Variants in SORCS2 observed in about 807,000 individuals in gnomAD.
The protein encoded by SORCS2 is sortilin related VPS10 domain containing receptor 2.
A neutral mutation model predicts 141.6 loss-of-function variants in SORCS2; 100 were observed. That is an observed-to-expected ratio of 0.71 (90% CI 0.60 to 0.83). The LOEUF (loss-of-function observed/expected upper bound fraction) is 0.83. SORCS2 is among the 40% of genes least tolerant of loss of function. The probability of loss-of-function intolerance (pLI) is 0.00; values close to 1 mark genes in which losing one functional copy is unlikely to be tolerated. For synonymous variants in SORCS2, 789 were observed against 676.9 expected (o/e 1.17, Z -2.57); for missense variants, 1,646 against 1,560.2 (o/e 1.05, Z -0.93).
chr4:7,643,192 C>G (rs984962717), intron 4 of SORCS2, among the ~76,000 whole-genome samples: 1 of 152,192 alleles, frequency 6.6e-6, no homozygotes, highest in African/African-American at 2.4e-5. Context: ...TTACTTGGAT[C>G]CTGGACAGCC....
chr4:7,632,897 C>T (rs1300862091), intron 3 of SORCS2, among the ~76,000 whole-genome samples: 4 of 152,058 alleles, frequency 2.6e-5, no homozygotes, highest in African/African-American at 9.7e-5. Context: ...GAATAACTCC[C>T]TATCATAGAG....
intron 3 of SORCS2, among the ~76,000 whole-genome samples, chr4:7,620,617 G>A (rs919075058): frequency 6.6e-6 from 1 of 152,246 alleles, no homozygotes; most frequent in Non-Finnish European, 1.5e-5. Flanking sequence ...CCAGGCTCCA[G>A]GCACTTGTCA....
chr4:7,523,572 C>G (rs1472295452), intron 2 of SORCS2, among the ~76,000 whole-genome samples: 2 of 152,088 alleles, frequency 1.3e-5, no homozygotes, highest in East Asian at 3.9e-4. Flanking sequence ...GCCCAGCTGT[C>G]TGATATGGGG....
At chr4:7,544,871 G>A (rs4689138) in intron 3 of SORCS2, among the ~76,000 whole-genome samples, 107,556 of 152,008 alleles carry the variant, frequency 0.71, 38,877 homozygotes, top group East Asian at 0.88. Context: ...GCCCCTGCCT[G>A]GTGGGAACAG....
chr4:7,536,198 C>T lies in SORCS2; in HGVS notation c.648+4569C>T, dbSNP rs188420098. Among the ~76,000 whole-genome samples the T allele has an allele frequency of 5.3e-5, 8 of 152,310 alleles. No individual in the cohort carries two copies. The East Asian group carries it at 1.5e-3, about 29-fold the overall frequency. On this transcript the variant is annotated intron_variant, in intron 3 of 26. Transcript: ENST00000507866. The stretch of plus-strand genomic sequence containing the variant: ...CTCCACTGTTCCTTCTCTAGTGGTA[C>T]AAACTGTAGGCAAGTTCCTAATCTG...
chr4:7,660,513 C>T (rs1205001614), intron 5 of SORCS2, among the ~76,000 whole-genome samples: 5 of 152,202 alleles, frequency 3.3e-5, no homozygotes, highest in Admixed American at 6.5e-5. Context: ...CCAAAGGAGG[C>T]AGAGTCCCAT....
At chr4:7,694,815 C>T (rs894176059) in intron 11 of SORCS2, among the ~76,000 whole-genome samples, 2 of 152,148 alleles carry the variant, frequency 1.3e-5, no homozygotes, top group African/African-American at 2.4e-5. Flanking sequence ...TGCACCTGCC[C>T]GGGTCCACAT....
chr4:7,547,987 T>C (rs1394762656), intron 3 of SORCS2, among the ~76,000 whole-genome samples: 1 of 152,260 alleles, frequency 6.6e-6, no homozygotes, highest in Non-Finnish European at 1.5e-5. Flanking sequence ...CTGTGGATTC[T>C]GCTTTGGGCA....
intron 1 of SORCS2, among the ~76,000 whole-genome samples, chr4:7,308,602 A>T (rs368685465): frequency 1.3e-5 from 2 of 152,188 alleles, no homozygotes; most frequent in African/African-American, 4.8e-5. Flanking sequence ...GATATTGCAG[A>T]CATGCCAGCA....
At chr4:7,731,340 C>A (rs897942052) in intron 23 of SORCS2, among the ~76,000 whole-genome samples, 7 of 152,142 alleles carry the variant, frequency 4.6e-5, no homozygotes, top group Admixed American at 3.9e-4. Context: ...CGGAAAGATA[C>A]CCTGTGTTCC....
chr4:7,589,561 C>T (rs187738314), intron 3 of SORCS2, among the ~76,000 whole-genome samples: 5 of 152,224 alleles, frequency 3.3e-5, no homozygotes, highest in Admixed American at 1.3e-4. Context: ...TGCCACCATG[C>T]CCGGCTAACT....
At chr4:7,724,567 G>GA (rs1726951834) in intron 19 of SORCS2, among the ~76,000 whole-genome samples, 2 of 112,552 alleles carry the variant, frequency 1.8e-5, no homozygotes, top group Non-Finnish European at 3.7e-5. Context: ...ATGGATGGTG[G>GA]TGGTGATGGT....
intron 17 of SORCS2, among the ~76,000 whole-genome samples, chr4:7,716,009 A>T (rs1385218243): frequency 6.6e-6 from 1 of 152,246 alleles, no homozygotes; most frequent in Non-Finnish European, 1.5e-5. Flanking sequence ...GGAAGGCATC[A>T]CCAAGTGCAA....
At chr4:7,239,992 G>A (rs1202068572) in intron 1 of SORCS2, among the ~76,000 whole-genome samples, 1 of 152,124 alleles carries the variant, frequency 6.6e-6, no homozygotes. Context: ...TCTTGTCTGT[G>A]GGGAGCACAG....
chr4:7,271,849 G>C (rs144765513), intron 1 of SORCS2, among the ~76,000 whole-genome samples: 2,065 of 152,354 alleles, frequency 0.014, 22 homozygotes, highest in Non-Finnish European at 0.02. Flanking sequence ...GTGTTTGGGG[G>C]CAGGAAGGAT....
intron 1 of SORCS2, among the ~76,000 whole-genome samples, chr4:7,325,745 A>C (rs1325474683): frequency 6.6e-6 from 1 of 152,180 alleles, no homozygotes; most frequent in Non-Finnish European, 1.5e-5. Flanking sequence ...ATTTCCCTGC[A>C]GCCTGAGCTC....
At chr4:7,395,787 G>C (rs982527508) in intron 1 of SORCS2, among the ~76,000 whole-genome samples, 2 of 152,134 alleles carry the variant, frequency 1.3e-5, no homozygotes, top group African/African-American at 4.8e-5. Flanking sequence ...ACCACTCCAG[G>C]ACAAGTAATG....
At chr4:7,335,680 C>T (rs541920578) in intron 1 of SORCS2, among the ~76,000 whole-genome samples, 1 of 152,374 alleles carries the variant, frequency 6.6e-6, no homozygotes, top group South Asian at 2.1e-4. Context: ...TTTCTGAGCT[C>T]ACCCACTGCT....
intron 1 of SORCS2, among the ~76,000 whole-genome samples, chr4:7,226,520 G>C (rs1233385826): frequency 6.6e-6 from 1 of 152,104 alleles, no homozygotes; most frequent in South Asian, 2.1e-4. Flanking sequence ...ATGTATGAGG[G>C]GACTCATCCG....
Sources: allele counts gnomAD v4.1 joint callset (sites outside exome capture counted in the v4.1 genomes callset), GRCh38; gene constraint gnomAD v4.1.1; transcripts MANE v1.5; gene names NCBI Gene and HGNC (gene_info 2026-07-23, HGNC 2026-07-21).